The following CACNA1A variants were observed in gnomAD, a reference collection of about 807,000 sequenced individuals.
CACNA1A encodes voltage-dependent P/Q-type calcium channel subunit alpha-1A.
In CACNA1A, 57 loss-of-function variants were observed where a neutral mutation model predicts 262.4. The observed-to-expected ratio is 0.22, with a 90% CI of 0.18 to 0.27. The LOEUF is 0.27. CACNA1A is among the 10% of genes least tolerant of loss of function. The probability of loss-of-function intolerance (pLI) is 1.00; values close to 1 mark genes in which losing one functional copy is unlikely to be tolerated. For synonymous variants in CACNA1A, 1,431 were observed against 1,419.3 expected, an observed-to-expected ratio of 1.01 and a Z score of -0.18; for missense variants, 2,526 against 3,562.8, an observed-to-expected ratio of 0.71 and a Z score of 7.41.
chr19:13,357,985 C>T (rs964836585), intron 6 of CACNA1A, among the ~76,000 whole-genome samples: 8 of 151,918 alleles, frequency 5.3e-5, no homozygotes, highest in East Asian at 1.9e-4. Flanking sequence ...CCAGCCTGGA[C>T]GACAGAGGGA....
intron 3 of CACNA1A, among the ~76,000 whole-genome samples, chr19:13,418,612 A>G (rs1401288797): frequency 2.0e-5 from 3 of 152,164 alleles, no homozygotes; most frequent in African/African-American, 7.2e-5. Flanking sequence ...CCCTGTCACC[A>G]CTGAGGCAGA....
chr19:13,229,997 C>G, intron 36 of CACNA1A, 85 bp downstream of exon 36: 1 of 1,493,478 alleles, frequency 6.7e-7, no homozygotes, highest in Non-Finnish European at 9.1e-7. Context: ...TTCAGTGCTC[C>G]AGAGTCTGGG....
chr19:13,214,254 C>T lies in CACNA1A; in HGVS notation c.5919G>A (p.Leu1973=), dbSNP rs1345337976. The change falls in exon 40 of 47, where the codon CTG becomes CTA. Residue 1973 remains leucine (L), a synonymous_variant. Transcript: ENST00000360228. This position sits in a 1 kb window ranked among gnomAD's most constrained non-coding sequence, Gnocchi z 4.1. ...GCACCTGCTCCTCGCGCATGGCCTGCAGCTTCTTGGCCTTGCTCTGCCGGT... is the reference window on the plus strand; with the variant it reads ...GCACCTGCTCCTCGCGCATGGCCTGTAGCTTCTTGGCCTTGCTCTGCCGGT... ...EYYRQSKAKK[L]QAMREEQDRT... is the part of the protein sequence containing the mutation. 1.2e-6 allele frequency: 2 copies of T among 1,610,730 alleles called. No individual in the cohort carries two copies. The highest frequency in any genetic ancestry group is 1.3e-5 in the African/African-American group (1 of 74,952).
Position 13,506,434 on chromosome 19 carries a change from G to T in CACNA1A, c.-210C>A. ...GGCTCAGAAGGCGGCTGCCCGGGCCGAGCCGGGGATAGCAGCTCGGGACAT... is the reference window on the plus strand; with the variant it reads ...GGCTCAGAAGGCGGCTGCCCGGGCCTAGCCGGGGATAGCAGCTCGGGACAT... On this transcript the variant is annotated 5_prime_UTR_variant, in exon 1 of 47. An upstream open reading frame in the 5' UTR gains an earlier in-frame stop. Coordinates refer to ENST00000360228, the MANE Select transcript of CACNA1A (RefSeq NM_001127222.2). 1 of 384,038 alleles carries T rather than the reference G, an allele frequency of 2.6e-6. No homozygotes were observed. Among genetic ancestry groups the T allele is most frequent in the Non-Finnish European group, 4.6e-6 (1 of 219,582 alleles). The allele number at this position is 384,038 out of a possible 1,614,324, so 23.8% of individuals were successfully genotyped here.
intron 4 of CACNA1A, chr19:13,365,862 G>A (rs114125622): frequency 0.029 from 4,660 of 158,346 alleles, 238 homozygotes; most frequent in African/African-American, 0.1. Context: ...TAGAGATGGG[G>A]TCTTGCTATG....
At chr19:13,345,189 T>C (rs1241822478) in intron 6 of CACNA1A, among the ~76,000 whole-genome samples, 1 of 152,186 alleles carries the variant, frequency 6.6e-6, no homozygotes, top group African/African-American at 2.4e-5. Context: ...TTTGGGCTGA[T>C]GAAATACTCC....
intron 1 of CACNA1A, among the ~76,000 whole-genome samples, chr19:13,470,094 A>G (rs1336207130): frequency 2.6e-5 from 4 of 152,096 alleles, no homozygotes; most frequent in Non-Finnish European, 5.9e-5. Flanking sequence ...ATATCAGAGA[A>G]GACACCCGTG....
At chr19:13,496,477 T>G (rs1437680507) in intron 1 of CACNA1A, among the ~76,000 whole-genome samples, 2 of 152,040 alleles carry the variant, frequency 1.3e-5, no homozygotes, top group Non-Finnish European at 2.9e-5. Flanking sequence ...AGAAAAAGAT[T>G]AGAAACATGG....
chr19:13,259,139 C>CT (rs35977943), intron 27 of CACNA1A: 105,789 of 140,854 alleles, frequency 0.75, 39,886 homozygotes, highest in Middle Eastern at 0.82. Context: ...TTCAGCCTCA[C>CT]TTTTTTTTTT....
intron 1 of CACNA1A, among the ~76,000 whole-genome samples, chr19:13,481,419 G>A (rs1979294870): frequency 6.6e-6 from 1 of 152,222 alleles, no homozygotes; most frequent in Non-Finnish European, 1.5e-5. Flanking sequence ...GAGGCAATGA[G>A]GGGTTGCTCT....
At chr19:13,483,993 G>A (rs907312978) in intron 1 of CACNA1A, among the ~76,000 whole-genome samples, 6 of 152,152 alleles carry the variant, frequency 3.9e-5, no homozygotes, top group East Asian at 1.9e-4. Context: ...TTGGCCAGGA[G>A]CACCTCAGTA....
intron 1 of CACNA1A, among the ~76,000 whole-genome samples, chr19:13,499,753 G>C (rs1300656537): frequency 1.3e-5 from 2 of 152,164 alleles, no homozygotes; most frequent in Admixed American, 6.5e-5. Flanking sequence ...CTGACCCAGA[G>C]TCCGGAGTGT....
intron 3 of CACNA1A, among the ~76,000 whole-genome samples, chr19:13,427,782 C>T (rs558023370): frequency 2.3e-4 from 33 of 143,016 alleles, no homozygotes; most frequent in Middle Eastern, 3.5e-3. Flanking sequence ...TAAAAACAAA[C>T]AAACAAACAA....
intron 1 of CACNA1A, among the ~76,000 whole-genome samples, chr19:13,462,998 C>T (rs1033465182): frequency 1.3e-5 from 2 of 152,002 alleles, no homozygotes; most frequent in African/African-American, 2.4e-5. Flanking sequence ...TGGGCTCAAG[C>T]GATCCTCTCA....
At chr19:13,336,594 G>GGAGAGGGAGA (rs1555768096) in intron 6 of CACNA1A, among the ~76,000 whole-genome samples, 38 of 65,506 alleles carry the variant, frequency 5.8e-4, no homozygotes, top group African/African-American at 1.8e-3. Flanking sequence ...AGAGAGAGAG[G>GGAGAGGGAGA]GAGAGAGAGA....
At chr19:13,378,583 T>C (rs2144593269) in intron 3 of CACNA1A, among the ~76,000 whole-genome samples, 1 of 152,254 alleles carries the variant, frequency 6.6e-6, no homozygotes, top group Non-Finnish European at 1.5e-5. Flanking sequence ...CAGTGACCCT[T>C]CACCAGCAAG....
intron 1 of CACNA1A, among the ~76,000 whole-genome samples, chr19:13,500,952 T>C (rs1271271031): frequency 1.3e-5 from 2 of 152,114 alleles, no homozygotes; most frequent in Non-Finnish European, 2.9e-5. Context: ...ACTGTGAAAT[T>C]ACATTTATAT....
chr19:13,378,650 A>AT lies in CACNA1A; in HGVS notation c.540-6872dup, dbSNP rs1471350181. On this transcript the variant is annotated intron_variant, in intron 3 of 46. Coordinates refer to ENST00000360228, the MANE Select transcript of CACNA1A (RefSeq NM_001127222.2). ...TAACTTTTTTAGTAATAAAACATTTATTTATTTATTTATTTATTTATTTAT... is the reference window on the plus strand; with the variant it reads ...TAACTTTTTTAGTAATAAAACATTTATTTTATTTATTTATTTATTTATTTAT... 1.2e-4 allele frequency among the ~76,000 whole-genome samples: 6 copies of AT among 50,518 alleles called. No homozygotes were observed. In the East Asian group the frequency reaches 1.8e-3, roughly 15 times the overall value. 33.1% of individuals were successfully genotyped at this position (50,518 alleles called of 152,430 possible). A position where few individuals can be genotyped will look rare whatever the true frequency, so the allele number is the denominator to read the frequency against.
chr19:13,357,345 A>C (rs2059023250), intron 6 of CACNA1A, among the ~76,000 whole-genome samples: 1 of 152,196 alleles, frequency 6.6e-6, no homozygotes, highest in Non-Finnish European at 1.5e-5. Context: ...AGGAACATAC[A>C]CTAGGACCAA....
Sources: gnomAD v4.1 joint callset for allele counts (sites outside exome capture counted in the v4.1 genomes callset) on GRCh38, gnomAD v4.1.1 for gene constraint, Gnocchi (gnomAD v3.1) non-coding constraint, MANE v1.5 for transcripts, NCBI Gene and HGNC (gene_info 2026-07-23, HGNC 2026-07-21) for gene names.